The following TJP1 variants were observed in gnomAD, a reference collection of about 807,000 sequenced individuals.
TJP1 encodes tight junction protein ZO-1.
TJP1 carries 43 observed loss-of-function variants against 194.2 expected under a neutral mutation model. The observed-to-expected ratio is 0.22, with a 90% CI of 0.17 to 0.29. The LOEUF (loss-of-function observed/expected upper bound fraction) is 0.29. Among genes scored for constraint, TJP1 ranks in the 10% least tolerant of loss-of-function variants. The pLI is 1.00. For missense variants in TJP1, 1,971 were observed against 2,185.7 expected (o/e 0.90, Z 1.96); for synonymous variants, 801 against 779.0 (o/e 1.03, Z -0.47).
intron 2 of TJP1, among the ~76,000 whole-genome samples, chr15:29,846,360 C>T (rs1013474888): frequency 2.0e-5 from 3 of 152,124 alleles, no homozygotes; most frequent in Admixed American, 6.5e-5. Context: ...ACCTATGCTG[C>T]GCCTTTCATT....
At chr15:29,707,960 G>A (rs1442315408) in intron 25 of TJP1, among the ~76,000 whole-genome samples, 1 of 152,140 alleles carries the variant, frequency 6.6e-6, no homozygotes, top group Non-Finnish European at 1.5e-5. Context: ...CACTTTGGGA[G>A]GTGGAGGCGG....
intron 2 of TJP1, among the ~76,000 whole-genome samples, chr15:29,930,064 A>C (rs148329846): frequency 5.3e-5 from 8 of 152,332 alleles, no homozygotes; most frequent in Admixed American, 4.6e-4. Context: ...CTACTAAAGA[A>C]ATTGATCCAG....
chr15:29,923,047 A>AAG (rs1354758841), intron 2 of TJP1, among the ~76,000 whole-genome samples: 1 of 152,200 alleles, frequency 6.6e-6, no homozygotes, highest in East Asian at 1.9e-4. Flanking sequence ...ACAGATTAAG[A>AAG]AGACTGACAT....
At chr15:29,825,911 C>A (rs1241976745), upstream of TJP1, among the ~76,000 whole-genome samples, 1 of 152,104 alleles carries the variant, frequency 6.6e-6, no homozygotes, top group Non-Finnish European at 1.5e-5. Context: ...GGGAAAGATT[C>A]TTTTAAGGCT....
intron 25 of TJP1, 147 bp downstream of exon 25, chr15:29,708,412 A>G: frequency 4.3e-6 from 3 of 693,826 alleles, no homozygotes; most frequent in East Asian, 2.5e-5. Context: ...AGGACCTTCT[A>G]TGTAACAGCA....
intron 25 of TJP1, among the ~76,000 whole-genome samples, chr15:29,708,354 T>C (rs971999496): frequency 2.0e-5 from 3 of 152,184 alleles, no homozygotes; most frequent in African/African-American, 7.2e-5. Context: ...CTACCAACCA[T>C]ACACGACTGT....
At chr15:29,738,290 G>C (rs1272394001) in intron 10 of TJP1, among the ~76,000 whole-genome samples, 3 of 151,900 alleles carry the variant, frequency 2.0e-5, no homozygotes, top group African/African-American at 7.3e-5. Flanking sequence ...AAGAAGTGTA[G>C]AAAAAAATCC....
At chr15:29,854,153 AT>A (rs2051754641) in intron 2 of TJP1, among the ~76,000 whole-genome samples, 1 of 152,286 alleles carries the variant, frequency 6.6e-6, no homozygotes, top group East Asian at 1.9e-4. Context: ...AAAATGTAAT[AT>A]TTTATACACC....
At chr15:29,824,831 A>C (rs987011438), upstream of TJP1, among the ~76,000 whole-genome samples, 4 of 152,174 alleles carry the variant, frequency 2.6e-5, no homozygotes, top group Admixed American at 6.5e-5. Context: ...GTGTAATTTA[A>C]ATGCTAGATT....
chr15:29,804,096 C>T (rs954537924), intron 1 of TJP1, among the ~76,000 whole-genome samples: 2 of 151,878 alleles, frequency 1.3e-5, no homozygotes, highest in African/African-American at 4.8e-5. Context: ...TCATCTCTCT[C>T]CATTCTCTAG....
At chr15:29,756,959 T>C (rs995496845) in intron 8 of TJP1, among the ~76,000 whole-genome samples, 7 of 152,172 alleles carry the variant, frequency 4.6e-5, no homozygotes, top group Admixed American at 1.3e-4. Context: ...ATGATACTAT[T>C]ATTACTACTA....
intron 2 of TJP1, among the ~76,000 whole-genome samples, chr15:29,778,333 A>T (rs2047146062): frequency 1.4e-5 from 2 of 143,374 alleles, no homozygotes; most frequent in South Asian, 4.6e-4. Context: ...TGGTGGACTT[A>T]AAAAAAAAAA....
At chr15:29,809,723 G>C (rs1415174296) in intron 1 of TJP1, among the ~76,000 whole-genome samples, 1 of 152,050 alleles carries the variant, frequency 6.6e-6, no homozygotes, top group Admixed American at 6.6e-5. Flanking sequence ...GCAGATGCCT[G>C]CAATCCCAGC....
chr15:29,798,274 T>G (rs1281651011), intron 2 of TJP1, among the ~76,000 whole-genome samples: 4 of 150,522 alleles, frequency 2.7e-5, no homozygotes, highest in Admixed American at 1.3e-4. Context: ...CCCAGCGTTT[T>G]TTTTTTTTTT....
intron 2 of TJP1, among the ~76,000 whole-genome samples, chr15:29,862,772 C>A (rs1033807857): frequency 6.6e-6 from 1 of 151,232 alleles, no homozygotes. Flanking sequence ...CTCAGCCTCC[C>A]GTGTAGCTGG....
chr15:29,890,132 G>A (rs1179897007), intron 2 of TJP1, among the ~76,000 whole-genome samples: 1 of 152,142 alleles, frequency 6.6e-6, no homozygotes, highest in East Asian at 1.9e-4. Flanking sequence ...GCCAGAGAGT[G>A]GCCATCCACC....
Position 29,726,917 on chromosome 15 carries a change from A to G in TJP1, c.2175T>C (p.Val725=). The G allele has an allele frequency of 6.2e-7, 1 of 1,614,192 alleles. No individual in the cohort carries two copies. The highest frequency in any genetic ancestry group is 8.5e-7 in the Non-Finnish European group (1 of 1,180,032). ...GCTTAGAATCAGGGTTAAGAAATAC[A>G]ACAATTGGATACCACTGGGCATAGT... The part of the protein sequence containing the change: ...RLNYAQWYPI[V]VFLNPDSKQG... Residue 725 remains valine (V), a synonymous_variant, in exon 17 of 28, where the codon GTT becomes GTC. Transcript: ENST00000614355.
chr15:29,913,549 T>C (rs1024803766), intron 2 of TJP1, among the ~76,000 whole-genome samples: 1 of 152,220 alleles, frequency 6.6e-6, no homozygotes, highest in Non-Finnish European at 1.5e-5. Flanking sequence ...TTAAGAACTT[T>C]AAGAACTGTA....
upstream of TJP1, chr15:29,822,679 G>T (rs2050503209): frequency 5.6e-6 from 1 of 180,170 alleles, no homozygotes; most frequent in Non-Finnish European, 1.1e-5. Context: ...GAGTCTTCCT[G>T]TTTGTTTTTA....
Sources: gnomAD v4.1 joint callset for allele counts (sites outside exome capture counted in the v4.1 genomes callset) on GRCh38, gnomAD v4.1.1 for gene constraint, MANE v1.5 for transcripts, NCBI Gene and HGNC (gene_info 2026-07-23, HGNC 2026-07-21) for gene names.